Variants in USP7 observed in about 807,000 individuals in gnomAD.
USP7 encodes ubiquitin specific peptidase 7, also known as ubiquitin C-terminal hydrolase 7.
A neutral mutation model predicts 162.9 loss-of-function variants in USP7; 9 were observed. The observed-to-expected ratio is 0.06, with a 90% CI of 0.03 to 0.10. USP7 has a LOEUF of 0.10. USP7 is among the 10% of genes least tolerant of loss of function. The pLI is 1.00. For synonymous variants in USP7, 562 were observed against 475.9 expected (o/e 1.18, Z -2.35); for missense variants, 715 against 1,373.7 (o/e 0.52, Z 7.58).
chr16:8,947,728 G>A (rs1218465349), intron 1 of USP7, among the ~76,000 whole-genome samples: 1 of 151,994 alleles, frequency 6.6e-6, no homozygotes, highest in Non-Finnish European at 1.5e-5. Flanking sequence ...TCTTTAAGGG[G>A]TGAAGTCTTT....
At chr16:8,921,478 G>A (rs1426501226) in intron 3 of USP7, among the ~76,000 whole-genome samples, 183 bp from the exon 4 acceptor site, 2 of 152,186 alleles carry the variant, frequency 1.3e-5, no homozygotes, top group South Asian at 2.1e-4. Context: ...GGTGTTTGGG[G>A]CTCCCCCAGT....
chr16:8,947,524 T>G (rs930811111), intron 1 of USP7, among the ~76,000 whole-genome samples: 2 of 152,140 alleles, frequency 1.3e-5, no homozygotes, highest in Non-Finnish European at 2.9e-5. Context: ...ATTTTTGTAT[T>G]TTTAGAAAAG....
At chr16:8,912,330 T>C (rs1002209963) in intron 10 of USP7, among the ~76,000 whole-genome samples, 7 of 151,564 alleles carry the variant, frequency 4.6e-5, no homozygotes, top group African/African-American at 1.5e-4. Context: ...TGGGCACCTG[T>C]AATCCCAGCT....
At chr16:8,906,283 A>T (rs924962852) in intron 13 of USP7, 143 bp downstream of exon 13, 2 of 907,408 alleles carry the variant, frequency 2.2e-6, no homozygotes, top group African/African-American at 3.3e-5. Flanking sequence ...AATGGATGGG[A>T]AAACAGCATT....
At chr16:8,957,399 T>C (rs1302580793) in intron 1 of USP7, among the ~76,000 whole-genome samples, 1 of 152,182 alleles carries the variant, frequency 6.6e-6, no homozygotes, top group African/African-American at 2.4e-5. Context: ...ATAAAACTTC[T>C]TTGCCTTGGA....
At chr16:8,939,317 G>A (rs992172545) in intron 1 of USP7, among the ~76,000 whole-genome samples, 1 of 152,136 alleles carries the variant, frequency 6.6e-6, no homozygotes, top group African/African-American at 2.4e-5. Flanking sequence ...GCATCTCTGG[G>A]ATCTTGTCAC....
At chr16:8,910,049 TATA>T (rs1320607717) in intron 11 of USP7, among the ~76,000 whole-genome samples, 8 of 152,224 alleles carry the variant, frequency 5.3e-5, no homozygotes, top group Admixed American at 2.6e-4. Context: ...CCATGAACTA[TATA>T]CACTGGCAGG....
intron 1 of USP7, among the ~76,000 whole-genome samples, chr16:8,950,162 C>A (rs1015019276): frequency 2.6e-5 from 4 of 152,182 alleles, no homozygotes; most frequent in East Asian, 1.9e-4. Context: ...GACCAAAAAA[C>A]CAAATATTTA....
intron 1 of USP7, chr16:8,936,802 A>G: frequency 7.2e-6 from 9 of 1,241,752 alleles, no homozygotes; most frequent in Non-Finnish European, 9.2e-6. Context: ...AAGGCAGTCC[A>G]GGAACAGAAG....
intron 23 of USP7, 170 bp from the exon 24 acceptor site, chr16:8,898,809 C>G: frequency 1.6e-6 from 1 of 627,334 alleles, no homozygotes; most frequent in Non-Finnish European, 2.7e-6. Flanking sequence ...GTCCCACTCG[C>G]TGTCACACTT....
Position 8,925,882 on chromosome 16 carries a change from C to T in USP7, c.185-2469G>A, listed in dbSNP as rs183347084. Among the ~76,000 whole-genome samples the T allele has an allele frequency of 3.0e-4, 46 of 152,338 alleles. No individual in the cohort carries two copies. In the East Asian group the frequency reaches 6.6e-3, roughly 22 times the overall value. On this transcript the variant is annotated intron_variant, in intron 2 of 30. Transcript: ENST00000344836. ...TTGAAAACTTTTACTAGGCCAGGTGCGGTGGCTCACTCCTGTAATCACAGC... is the reference window on the plus strand; with the variant it reads ...TTGAAAACTTTTACTAGGCCAGGTGTGGTGGCTCACTCCTGTAATCACAGC...
Position 8,893,738 on chromosome 16 carries a change from T to G in USP7, c.*260A>C. On this transcript the variant is annotated 3_prime_UTR_variant, in exon 31 of 31. Coordinates refer to ENST00000344836, the MANE Select transcript of USP7 (RefSeq NM_003470.3). ...ACTAACCTCTTCTCCCCCATTGCGC[T>G]GACAGTTGCCTTGCACTGTGGTTAC... The G allele has an allele frequency of 2.4e-6, 1 of 414,770 alleles. No individual in the cohort carries two copies. Among genetic ancestry groups the G allele is most frequent in the Non-Finnish European group, 4.5e-6 (1 of 221,204 alleles). The allele number at this position is 414,770 out of a possible 1,614,324, so 25.7% of individuals were successfully genotyped here.
intron 13 of USP7, 27 bp from the exon 14 acceptor site, chr16:8,905,358 A>G: frequency 6.2e-7 from 1 of 1,610,420 alleles, no homozygotes; most frequent in East Asian, 2.2e-5. Context: ...ACACACCAGC[A>G]GCGATCAAGC....
intron 1 of USP7, among the ~76,000 whole-genome samples, chr16:8,942,929 T>A (rs1246610737): frequency 1.3e-5 from 2 of 152,204 alleles, no homozygotes; most frequent in African/African-American, 4.8e-5. Context: ...CAGGGGACAG[T>A]CCTGTCCTAC....
intron 27 of USP7, 39 bp downstream of exon 27, chr16:8,895,591 AGATGGGGCTCAT>A (rs759250430): frequency 7.1e-7 from 1 of 1,400,674 alleles, no homozygotes; most frequent in South Asian, 1.2e-5. Context: ...AATATGCAGC[AGATGGGGCTCAT>A]GAATTCTCTC....
At chr16:8,909,358 CATATGCCAAGGTTCTT>C (rs2061907871) in intron 11 of USP7, among the ~76,000 whole-genome samples, 1 of 152,176 alleles carries the variant, frequency 6.6e-6, no homozygotes, top group African/African-American at 2.4e-5. Flanking sequence ...AAGGCACACC[CATATGCCAAGGTTCTT>C]TGGTGTACAT....
At chr16:8,894,903 C>T in intron 28 of USP7, 48 bp from the exon 29 acceptor site, 1 of 1,614,046 alleles carries the variant, frequency 6.2e-7, no homozygotes, top group Non-Finnish European at 8.5e-7. Context: ...CCAGCACCCC[C>T]AGGCCACGTC....
Position 8,895,091 on chromosome 16 carries a change from C to T in USP7, c.2979G>A (p.Ala993=), listed in dbSNP as rs757705172. 1.3e-5 allele frequency: 21 copies of T among 1,614,098 alleles called. No homozygotes were observed. The highest frequency in any genetic ancestry group is 6.7e-5 in the East Asian group (3 of 44,900). The part of the protein sequence containing the change: ...DKENEMLVTV[A]HFHKEVFGTF... ...TTCCGAAGACCTCTTTGTGGAAATG[C>T]GCCACTGTGACAAGCATCTCATTCT... The change falls in exon 28 of 31, where the codon GCG becomes GCA. Residue 993 remains alanine (A), a synonymous_variant. Transcript: ENST00000344836.
chr16:8,919,115 G>C lies in USP7; in HGVS notation c.636C>G (p.Gly212=), dbSNP rs146083656. 1.5e-5 allele frequency: 25 copies of C among 1,613,984 alleles called. No homozygotes were observed. The African/African-American group carries it at 3.1e-4, about 20-fold the overall frequency. The change falls in exon 6 of 31, where the codon GGC becomes GGG. Residue 212 remains glycine, a synonymous_variant. Coordinates refer to ENST00000344836, the MANE Select transcript of USP7 (RefSeq NM_003470.3). ...GVAWDSKKHT[G]YVGLKNQGAT... is the part of the protein sequence containing the mutation. ...CTCCCTGATTCTTTAAGCCGACGTAGCCTGTGTGCTTCTTTGAATCCCACC... is the reference window on the plus strand; with the variant it reads ...CTCCCTGATTCTTTAAGCCGACGTACCCTGTGTGCTTCTTTGAATCCCACC...
Sources: gnomAD v4.1 joint callset for allele counts (sites outside exome capture counted in the v4.1 genomes callset) on GRCh38, gnomAD v4.1.1 for gene constraint, MANE v1.5 for transcripts, NCBI Gene and HGNC (gene_info 2026-07-23, HGNC 2026-07-21) for gene names.